Variants in MYOM2 observed in about 807,000 individuals in gnomAD.
MYOM2 encodes the protein myomesin 2.
In MYOM2, 254 loss-of-function variants were observed where a neutral mutation model predicts 187.6. The observed-to-expected ratio is 1.35, with a 90% CI of 1.22 to 1.50. The LOEUF (loss-of-function observed/expected upper bound fraction) is 1.50. Among genes scored for constraint, MYOM2 ranks in the 40% most tolerant of loss-of-function variants. The pLI, the probability that MYOM2 is intolerant of heterozygous loss-of-function variation, is 0.00. For missense variants in MYOM2, 2,796 were observed against 1,924.0 expected (o/e 1.45, Z -8.48); for synonymous variants, 981 against 753.8 (o/e 1.30, Z -4.94).
chr8:2,094,135 C>T (rs1489374296), intron 17 of MYOM2, 44 bp downstream of exon 17: 3 of 1,603,164 alleles, frequency 1.9e-6, no homozygotes, highest in Non-Finnish European at 2.6e-6. Flanking sequence ...CTCCCATACA[C>T]TGTCATTTCT....
intron 32 of MYOM2, among the ~76,000 whole-genome samples, chr8:2,135,186 G>A (rs1422756530): frequency 6.6e-6 from 1 of 152,128 alleles, no homozygotes; most frequent in African/African-American, 2.4e-5. Flanking sequence ...AGCAGTTTCA[G>A]AATTAGTAAC....
chr8:2,091,370 G>A (rs187922180), intron 15 of MYOM2, among the ~76,000 whole-genome samples: 8 of 152,254 alleles, frequency 5.3e-5, no homozygotes, highest in Admixed American at 3.3e-4. Flanking sequence ...TGCCCATCTG[G>A]CTTGAAGGTC....
At chr8:2,066,223 C>T (rs906382529) in intron 6 of MYOM2, among the ~76,000 whole-genome samples, 1 of 152,180 alleles carries the variant, frequency 6.6e-6, no homozygotes, top group Non-Finnish European at 1.5e-5. Flanking sequence ...CGGGAACTGC[C>T]CGTGCACCTG....
intron 6 of MYOM2, among the ~76,000 whole-genome samples, chr8:2,065,757 T>C (rs1338202793): frequency 6.6e-6 from 1 of 152,166 alleles, no homozygotes; most frequent in East Asian, 1.9e-4. Context: ...TCCAATTACA[T>C]AGAGGTAGTA....
At chr8:2,112,664 C>T (rs993839022) in intron 25 of MYOM2, among the ~76,000 whole-genome samples, 5 of 152,074 alleles carry the variant, frequency 3.3e-5, no homozygotes, top group Non-Finnish European at 7.4e-5. Context: ...AACCAAGTGG[C>T]CAGTTTGCTA....
intron 14 of MYOM2, among the ~76,000 whole-genome samples, chr8:2,088,780 G>T (rs571705049): frequency 6.6e-6 from 1 of 152,262 alleles, no homozygotes; most frequent in Non-Finnish European, 1.5e-5. Flanking sequence ...CATATACCCA[G>T]TAATGGGATT....
intron 14 of MYOM2, among the ~76,000 whole-genome samples, 178 bp downstream of exon 14, chr8:2,085,568 C>CTT (rs1554546529): frequency 8.0e-4 from 8 of 10,030 alleles, no homozygotes; most frequent in African/African-American, 2.3e-3. Context: ...CTCTGCGTGG[C>CTT]CCCACTGTTG....
chr8:2,097,809 G>A (rs1162951294), intron 18 of MYOM2, among the ~76,000 whole-genome samples: 1 of 152,214 alleles, frequency 6.6e-6, no homozygotes, highest in East Asian at 1.9e-4. Context: ...GAGTCACTGT[G>A]CCCAGCCTAA....
chr8:2,137,624 G>C (rs913359070), intron 32 of MYOM2, among the ~76,000 whole-genome samples: 1 of 152,072 alleles, frequency 6.6e-6, no homozygotes, highest in Non-Finnish European at 1.5e-5. Flanking sequence ...CAACAAGAGA[G>C]GGTGACAAGA....
intron 9 of MYOM2, 34 bp from the exon 10 acceptor site, chr8:2,073,305 T>G: frequency 1.3e-6 from 2 of 1,580,774 alleles, no homozygotes; most frequent in Non-Finnish European, 1.7e-6. Context: ...GGGGTGATTT[T>G]GGATGCAAAC....
intron 19 of MYOM2, among the ~76,000 whole-genome samples, chr8:2,099,527 G>A (rs187266094): frequency 2.0e-5 from 3 of 152,206 alleles, no homozygotes; most frequent in East Asian, 3.9e-4. Context: ...TGGGGATCTC[G>A]GGGCTTCTGC....
intron 28 of MYOM2, 36 bp downstream of exon 28, chr8:2,117,988 C>G (rs371372294): frequency 1.9e-6 from 3 of 1,587,056 alleles, no homozygotes; most frequent in African/African-American, 2.7e-5. Flanking sequence ...AACAATAAAT[C>G]TCATTCTGGT....
chr8:2,099,980 A>ATTCC (rs1456381469), intron 19 of MYOM2, among the ~76,000 whole-genome samples: 4 of 147,970 alleles, frequency 2.7e-5, no homozygotes, highest in African/African-American at 9.9e-5. Context: ...CAATTAGAAA[A>ATTCC]TTCCTTCCTT....
Position 2,094,108 on chromosome 8 carries a change from C to G in MYOM2, c.2125+17C>G, listed in dbSNP as rs753661015. The G allele has an allele frequency of 1.9e-6, 3 of 1,613,626 alleles. No individual in the cohort carries two copies. Among genetic ancestry groups the G allele is most frequent in the South Asian group, 2.2e-5 (2 of 91,028 alleles). ...CCGCACTCAGTAAGTCACTCACAGG[C>G]TGTTGTGTGCCGATTGCTCCCATAC... On this transcript the variant is annotated intron_variant, in intron 17 of 36. Transcript: ENST00000262113.
chr8:2,127,224 G>A (rs979990792), intron 31 of MYOM2, among the ~76,000 whole-genome samples: 1 of 152,090 alleles, frequency 6.6e-6, no homozygotes, highest in Non-Finnish European at 1.5e-5. Flanking sequence ...ATTCCTTGAA[G>A]GGTGAACTCC....
chr8:2,051,004 C>T (rs1818466470), intron 2 of MYOM2, 131 bp downstream of exon 2: 2 of 679,450 alleles, frequency 2.9e-6, no homozygotes, highest in African/African-American at 1.8e-5. Flanking sequence ...AGATGGCAGC[C>T]TCTCCCGTGC....
At chr8:2,101,246 G>A (rs1456554488) in intron 20 of MYOM2, among the ~76,000 whole-genome samples, 192 bp downstream of exon 20, 4 of 152,150 alleles carry the variant, frequency 2.6e-5, no homozygotes, top group Admixed American at 6.5e-5. Flanking sequence ...CCAGCTACTC[G>A]GGAAGCTGAG....
intron 16 of MYOM2, among the ~76,000 whole-genome samples, chr8:2,093,613 A>T (rs1796381451): frequency 6.6e-6 from 1 of 152,220 alleles, no homozygotes; most frequent in South Asian, 2.1e-4. Flanking sequence ...GCCTGTAACC[A>T]CTGCAGTGTA....
rs763104656 is a variant in MYOM2, at chr8:2,078,733, G to T, written c.1263-1G>T. ...GTTGTTTTTCTTTTTTTAACTTGAA[G>T]ATGTGAAGTAGGAACGAATAATTGG... On this transcript the variant is annotated splice_acceptor_variant, in intron 11 of 36. Coordinates refer to ENST00000262113, the MANE Select transcript of MYOM2 (RefSeq NM_003970.4). LOFTEE classifies it high-confidence loss of function. The T allele has an allele frequency of 3.1e-6, 5 of 1,614,052 alleles. No homozygotes were observed. Among genetic ancestry groups the T allele is most frequent in the Non-Finnish European group, 4.2e-6 (5 of 1,179,960 alleles).
Sources: gnomAD v4.1 joint callset for allele counts (sites outside exome capture counted in the v4.1 genomes callset) on GRCh38, gnomAD v4.1.1 for gene constraint, MANE v1.5 for transcripts, NCBI Gene and HGNC (gene_info 2026-07-23, HGNC 2026-07-21) for gene names.